The following MYLK4 variants were observed in gnomAD, a reference collection of about 807,000 sequenced individuals.
MYLK4 encodes myosin light chain kinase family member 4.
MYLK4 carries 46 observed loss-of-function variants against 48.1 expected under a neutral mutation model. The ratio of observed to expected loss-of-function variants is 0.96; its 90% CI spans 0.75 to 1.22. The LOEUF (loss-of-function observed/expected upper bound fraction) is 1.22. Ranked by LOEUF, MYLK4 falls within the 50% of genes most tolerant of loss-of-function variation. MYLK4 has a pLI of 0.00. For synonymous variants in MYLK4, 170 were observed against 180.8 expected (o/e 0.94, Z 0.48); for missense variants, 451 against 486.1 (o/e 0.93, Z 0.68).
chr6:2,681,412 A>C (rs1306365404), intron 7 of MYLK4, among the ~76,000 whole-genome samples: 1 of 152,164 alleles, frequency 6.6e-6, no homozygotes, highest in Non-Finnish European at 1.5e-5. Context: ...CATTATAGAG[A>C]AGGGGGTGCT....
intron 12 of MYLK4, among the ~76,000 whole-genome samples, chr6:2,670,394 A>AACAAACAG (rs199613724): frequency 6.9e-5 from 10 of 145,960 alleles, no homozygotes; most frequent in African/African-American, 2.5e-4. Flanking sequence ...CAAACAAACA[A>AACAAACAG]CAGTGAGCAG....
chr6:2,685,238 C>T lies in MYLK4; in HGVS notation c.545+58G>A, dbSNP rs935891225. ...ACAGCAGGACGGAGCTACTGAGGCACGGTCACGGTCATGAGTGCCCTTGGG... is the reference window on the plus strand; with the variant it reads ...ACAGCAGGACGGAGCTACTGAGGCATGGTCACGGTCATGAGTGCCCTTGGG... On this transcript the variant is annotated intron_variant, in intron 6 of 12. Coordinates refer to ENST00000274643, the MANE Select transcript of MYLK4 (RefSeq NM_001012418.5). The surrounding 1 kb of genome is among the most constrained non-coding windows in gnomAD (Gnocchi z 4.5). The T allele has an allele frequency of 2.8e-5, 37 of 1,306,890 alleles. No individual in the cohort carries two copies. The highest frequency in any genetic ancestry group is 1.6e-4 in the African/African-American group (11 of 69,066). The allele number at this position is 1,306,890 out of a possible 1,614,324, so 81.0% of individuals were successfully genotyped here. A position where few individuals can be genotyped will look rare whatever the true frequency, so the allele number is the denominator to read the frequency against.
chr6:2,740,952 C>G (rs979664499), intron 2 of MYLK4, among the ~76,000 whole-genome samples: 5 of 152,102 alleles, frequency 3.3e-5, no homozygotes, highest in African/African-American at 1.2e-4. Flanking sequence ...CACTTCATTG[C>G]AAGAGACTTT....
chr6:2,692,302 CT>C (rs1039796499), intron 3 of MYLK4, among the ~76,000 whole-genome samples: 1 of 152,100 alleles, frequency 6.6e-6, no homozygotes, highest in African/African-American at 2.4e-5. Context: ...TTTGTCTTGT[CT>C]TTTTGTGTGA....
chr6:2,747,823 A>G (rs143638610), intron 2 of MYLK4, among the ~76,000 whole-genome samples: 1 of 152,362 alleles, frequency 6.6e-6, no homozygotes, highest in African/African-American at 2.4e-5. Context: ...AAATTAATAA[A>G]CAGAAAAAAT....
intron 2 of MYLK4, among the ~76,000 whole-genome samples, chr6:2,729,946 G>A (rs920971660): frequency 2.0e-5 from 3 of 152,162 alleles, no homozygotes; most frequent in African/African-American, 7.2e-5. Flanking sequence ...GTCTTCAAAC[G>A]CTGGATTTTC....
chr6:2,751,544 G>A (rs2057548), upstream of MYLK4, among the ~76,000 whole-genome samples: 145,559 of 152,270 alleles, frequency 0.96, 69,941 homozygotes, highest in East Asian at 1. Context: ...CCACCTGCCC[G>A]ACTCTCACAG....
chr6:2,698,461 G>A (rs1197502914), intron 2 of MYLK4, among the ~76,000 whole-genome samples: 1 of 152,216 alleles, frequency 6.6e-6, no homozygotes, highest in East Asian at 1.9e-4. Flanking sequence ...ACCAGTCCTG[G>A]GCTCCGCAGA....
intron 2 of MYLK4, among the ~76,000 whole-genome samples, chr6:2,748,524 G>A (rs757988100): frequency 2.6e-5 from 4 of 152,194 alleles, no homozygotes; most frequent in Admixed American, 2.0e-4. Context: ...GATACTAGGC[G>A]GAGTGCTTTA....
chr6:2,695,060 C>G (rs188292504), intron 2 of MYLK4, among the ~76,000 whole-genome samples: 17 of 151,994 alleles, frequency 1.1e-4, no homozygotes, highest in Non-Finnish European at 2.2e-4. Context: ...AAATATTTGT[C>G]GAAAGATTAC....
In MYLK4 at chr6:2,716,338, G is replaced by T. The variant is rs369891933; in HGVS notation, c.160-23479C>A. ...ATTATCTTTATACCTGTATGTAGTA[G>T]CTAGGAGCAGAATGTGTTTAAGTGT... On this transcript the variant is annotated intron_variant, in intron 2 of 12. Transcript: ENST00000274643. 2.0e-3 allele frequency among the ~76,000 whole-genome samples: 304 copies of T among 152,294 alleles called. 1 individual carries two copies. Among genetic ancestry groups the T allele is most frequent in the African/African-American group, 7.0e-3 (289 of 41,558 alleles).
intron 2 of MYLK4, among the ~76,000 whole-genome samples, chr6:2,695,856 TC>T (rs1762038488): frequency 6.6e-6 from 1 of 152,172 alleles, no homozygotes; most frequent in Admixed American, 6.5e-5. Flanking sequence ...TTGTTTATTG[TC>T]CAAAAATGAA....
chr6:2,735,507 T>C (rs749314565), intron 2 of MYLK4, among the ~76,000 whole-genome samples: 42 of 152,216 alleles, frequency 2.8e-4, no homozygotes, highest in Non-Finnish European at 5.4e-4. Context: ...TTCTAAGACA[T>C]CAAAGACAAA....
intron 2 of MYLK4, among the ~76,000 whole-genome samples, chr6:2,730,980 C>T (rs922853080): frequency 6.6e-6 from 1 of 152,028 alleles, no homozygotes. Flanking sequence ...CAGTTAGCAT[C>T]CTGCATTAAA....
intron 2 of MYLK4, among the ~76,000 whole-genome samples, chr6:2,732,641 A>G (rs768922835): frequency 2.0e-5 from 3 of 151,476 alleles, no homozygotes; most frequent in African/African-American, 7.3e-5. Flanking sequence ...TGTGCCTATC[A>G]TGCCAAGTGA....
chr6:2,696,076 C>A (rs1287512752), intron 2 of MYLK4, among the ~76,000 whole-genome samples: 1 of 152,198 alleles, frequency 6.6e-6, no homozygotes, highest in African/African-American at 2.4e-5. Flanking sequence ...ATATGGATTT[C>A]TTTGGAACTA....
chr6:2,769,822 TTC>T, the MYLK4 span, among the ~76,000 whole-genome samples: 1 of 152,232 alleles, frequency 6.6e-6, no homozygotes, highest in Non-Finnish European at 1.5e-5. Flanking sequence ...GAAGATGGTT[TTC>T]TGAGTAAAGA....
the MYLK4 span, chr6:2,765,823 C>T: frequency 3.8e-5 from 52 of 1,357,484 alleles, no homozygotes; most frequent in South Asian, 5.5e-4. Context: ...CCTCGCCGCC[C>T]GGCGCCAAGA....
chr6:2,747,142 G>A (rs905101396), intron 2 of MYLK4, among the ~76,000 whole-genome samples: 1 of 152,196 alleles, frequency 6.6e-6, no homozygotes, highest in Non-Finnish European at 1.5e-5. Context: ...CGGAAGCCAG[G>A]AGGCCCAAGT....
Sources: gnomAD v4.1 joint callset for allele counts (sites outside exome capture counted in the v4.1 genomes callset) on GRCh38, gnomAD v4.1.1 for gene constraint, Gnocchi (gnomAD v3.1) non-coding constraint, MANE v1.5 for transcripts, NCBI Gene and HGNC (gene_info 2026-07-23, HGNC 2026-07-21) for gene names.